The following SRBD1 variants were observed in gnomAD, a reference collection of about 807,000 sequenced individuals.
SRBD1 encodes S1 RNA binding domain 1.
SRBD1 carries 88 observed loss-of-function variants against 115.3 expected under a neutral mutation model. The ratio of observed to expected loss-of-function variants is 0.76; its 90% CI spans 0.64 to 0.91. SRBD1 has a LOEUF of 0.91. SRBD1 is among the 40% of genes least tolerant of loss of function. The pLI, the probability that SRBD1 is intolerant of heterozygous loss-of-function variation, is 0.00. For missense variants in SRBD1, 1,385 were observed against 1,177.4 expected (o/e 1.18, Z -2.58); for synonymous variants, 509 against 407.7 (o/e 1.25, Z -2.99).
At chr2:45,562,539 G>T in intron 10 of SRBD1, 114 bp downstream of exon 10, 1 of 830,174 alleles carries the variant, frequency 1.2e-6, no homozygotes, top group Non-Finnish European at 1.7e-6. Flanking sequence ...GCCTGTCACT[G>T]GCTTTTTAAA....
chr2:45,405,232 A>G (rs1667398496), intron 19 of SRBD1, among the ~76,000 whole-genome samples: 2 of 152,156 alleles, frequency 1.3e-5, no homozygotes, highest in African/African-American at 4.8e-5. Context: ...GCAATCACTC[A>G]AAAGACTTTT....
In SRBD1 at chr2:45,599,710, C is replaced by T; in HGVS notation, c.387G>A (p.Arg129=). The T allele has an allele frequency of 6.2e-7, 1 of 1,614,168 alleles. No homozygotes were observed. Among genetic ancestry groups the T allele is most frequent in the East Asian group, 2.2e-5 (1 of 44,886 alleles). Residue 129 remains arginine, a synonymous_variant, in exon 4 of 21, where the codon AGG becomes AGA. Transcript: ENST00000263736. ...KCAAQPHTVR[R]TKKLKVEEET... ...CTTCTTCAACTTTCAGCTTTTTAGTCCTTCGAACTGTATGTGGCTGCGCTG... is the reference window on the plus strand; with the variant it reads ...CTTCTTCAACTTTCAGCTTTTTAGTTCTTCGAACTGTATGTGGCTGCGCTG...
intron 16 of SRBD1, chr2:45,447,146 T>A (rs1215115530): frequency 6.6e-6 from 1 of 152,212 alleles, no homozygotes. Flanking sequence ...TTGTAAAAAA[T>A]TACCTTTAAA....
intron 9 of SRBD1, among the ~76,000 whole-genome samples, chr2:45,572,596 G>A (rs1466564231): frequency 6.6e-6 from 1 of 152,002 alleles, no homozygotes; most frequent in Non-Finnish European, 1.5e-5. Context: ...GCACTAGATA[G>A]TAACTTGAAG....
intron 10 of SRBD1, among the ~76,000 whole-genome samples, chr2:45,555,850 C>A (rs1441112393): frequency 6.6e-6 from 1 of 152,122 alleles, no homozygotes; most frequent in Non-Finnish European, 1.5e-5. Flanking sequence ...TCTGTTACGG[C>A]ACAGTGGGCA....
At chr2:45,542,326 C>T (rs529554564) in intron 14 of SRBD1, among the ~76,000 whole-genome samples, 62 of 152,350 alleles carry the variant, frequency 4.1e-4, no homozygotes, top group African/African-American at 1.4e-3. Context: ...GGAGGTGGAG[C>T]AGGTACTTCC....
chr2:45,586,092 T>C (rs1673513292), intron 4 of SRBD1, among the ~76,000 whole-genome samples: 1 of 152,178 alleles, frequency 6.6e-6, no homozygotes, highest in South Asian at 2.1e-4. Flanking sequence ...AAGGAGTTGG[T>C]AACTCACTTT....
At chr2:45,559,914 T>C (rs1262633902) in intron 10 of SRBD1, among the ~76,000 whole-genome samples, 2 of 151,856 alleles carry the variant, frequency 1.3e-5, no homozygotes, top group African/African-American at 4.8e-5. Flanking sequence ...AACCCCTGTC[T>C]CTACAAGAAA....
chr2:45,411,210 G>A (rs936043119), intron 19 of SRBD1, among the ~76,000 whole-genome samples: 1 of 152,158 alleles, frequency 6.6e-6, no homozygotes, highest in Non-Finnish European at 1.5e-5. Context: ...ATCTGCTGCA[G>A]AATTGACTGG....
chr2:45,553,469 G>C (rs1429766741), intron 11 of SRBD1, among the ~76,000 whole-genome samples, 154 bp downstream of exon 11: 1 of 152,170 alleles, frequency 6.6e-6, no homozygotes, highest in Non-Finnish European at 1.5e-5. Flanking sequence ...TGCATCTACA[G>C]ATTGAAATCA....
chr2:45,547,067 A>G (rs1343184933), intron 13 of SRBD1, among the ~76,000 whole-genome samples: 1 of 152,210 alleles, frequency 6.6e-6, no homozygotes, highest in Non-Finnish European at 1.5e-5. Context: ...CTGTCACACT[A>G]TCTCAAAAAA....
intron 19 of SRBD1, among the ~76,000 whole-genome samples, chr2:45,406,236 AGCAGT>A: frequency 1.3e-5 from 2 of 152,262 alleles, no homozygotes; most frequent in Middle Eastern, 3.4e-3. Flanking sequence ...GACATGGAGG[AGCAGT>A]GTAGGGAAGG....
intron 14 of SRBD1, among the ~76,000 whole-genome samples, chr2:45,490,402 G>C (rs1300397137): frequency 6.6e-6 from 1 of 152,010 alleles, no homozygotes; most frequent in East Asian, 1.9e-4. Context: ...CCCCAAAAAG[G>C]TTAAGAAACA....
At chr2:45,397,670 C>A (rs1667184777) in intron 19 of SRBD1, among the ~76,000 whole-genome samples, 2 of 152,214 alleles carry the variant, frequency 1.3e-5, no homozygotes, top group Admixed American at 1.3e-4. Context: ...GTGGTGCAAT[C>A]ACAGCTCACT....
chr2:45,547,622 A>T lies in SRBD1; in HGVS notation c.1676-10T>A, dbSNP rs764730932. On this transcript the variant is annotated splice_polypyrimidine_tract_variant and intron_variant, in intron 12 of 20. Transcript: ENST00000263736. ...GTATGAAGTATCTGACCTTTAAAAA[A>T]TGAAAAGAATAAGCCATTTTATAAG... 1 of 1,602,276 alleles carries T rather than the reference A, an allele frequency of 6.2e-7. No homozygotes were observed. The highest frequency in any genetic ancestry group is 8.5e-7 in the Non-Finnish European group (1 of 1,175,034).
rs868072151 is a variant in SRBD1, at chr2:45,414,987, T to C, written c.2334-1694A>G. On this transcript the variant is annotated intron_variant, in intron 18 of 20. Transcript: ENST00000263736. ...ATATAGTGTGTATATAGTATGTATA[T>C]ACACACATATAGTGTGTATATAGTA... Among the ~76,000 whole-genome samples the C allele has an allele frequency of 2.5e-3, 271 of 108,504 alleles. 17 individuals are homozygous for C. The highest frequency in any genetic ancestry group is 3.0e-3 in the Non-Finnish European group (171 of 56,892). The allele number at this position is 108,504 out of a possible 152,430, so 71.2% of individuals were successfully genotyped here. A position where few individuals can be genotyped will look rare whatever the true frequency, so the allele number is the denominator to read the frequency against.
chr2:45,456,875 T>C (rs1199631324), intron 16 of SRBD1, among the ~76,000 whole-genome samples: 3 of 151,890 alleles, frequency 2.0e-5, no homozygotes, highest in African/African-American at 7.2e-5. Context: ...TTAATTTCTG[T>C]TTGTAGTAGC....
intron 14 of SRBD1, among the ~76,000 whole-genome samples, chr2:45,500,721 T>C (rs1198136394): frequency 6.6e-6 from 1 of 152,186 alleles, no homozygotes; most frequent in Non-Finnish European, 1.5e-5. Flanking sequence ...CAGCCAACAG[T>C]ATTGATTTTC....
intron 14 of SRBD1, among the ~76,000 whole-genome samples, chr2:45,493,318 A>G (rs1670355322): frequency 6.6e-6 from 1 of 152,230 alleles, no homozygotes; most frequent in African/African-American, 2.4e-5. Flanking sequence ...TGAAGTATCA[A>G]AAGAATAGCT....
Sources: gnomAD v4.1 joint callset for allele counts (sites outside exome capture counted in the v4.1 genomes callset) on GRCh38, gnomAD v4.1.1 for gene constraint, MANE v1.5 for transcripts, NCBI Gene and HGNC (gene_info 2026-07-23, HGNC 2026-07-21) for gene names.